Variants in ABCB11 observed in about 807,000 individuals in gnomAD.
ABCB11 encodes the protein ATP binding cassette subfamily B member 11, also known as bile salt export pump.
Under a neutral mutation model 148.0 loss-of-function variants are expected in ABCB11, and 95 were observed. The ratio of observed to expected loss-of-function variants is 0.64; its 90% CI spans 0.54 to 0.76. ABCB11 has a LOEUF of 0.76. Ranked by LOEUF, ABCB11 falls within the 30% of genes least tolerant of loss-of-function variation. The probability of loss-of-function intolerance (pLI) is 0.00; values close to 1 mark genes in which losing one functional copy is unlikely to be tolerated. For synonymous variants in ABCB11, 591 were observed against 555.4 expected (o/e 1.06, Z -0.90); for missense variants, 1,523 against 1,617.8 (o/e 0.94, Z 1.01).
chr2:168,938,614 A>C lies in ABCB11; in HGVS notation c.2611-2181T>G, dbSNP rs1034932608. ...AGAGATGAATAGTGGTGATGGTTAC[A>C]TAACAATGTAAATGTACTTAATGCC... On this transcript the variant is annotated intron_variant, in intron 21 of 27. Transcript: ENST00000650372. Among the ~76,000 whole-genome samples, 3 of 152,288 alleles carry C rather than the reference A, an allele frequency of 2.0e-5. No individual in the cohort carries two copies. In the South Asian group the frequency reaches 6.2e-4, roughly 32 times the overall value.
chr2:168,933,287 AT>A (rs778499477), intron 23 of ABCB11, among the ~76,000 whole-genome samples: 117 of 152,264 alleles, frequency 7.7e-4, no homozygotes, highest in Non-Finnish European at 1.2e-3. Flanking sequence ...TATAAGCATC[AT>A]TTTTGCACCA....
At chr2:169,026,246 C>G (rs780665720) in intron 1 of ABCB11, among the ~76,000 whole-genome samples, 18 of 152,164 alleles carry the variant, frequency 1.2e-4, no homozygotes, top group African/African-American at 1.9e-4. Context: ...TGTTTGTTTT[C>G]TTTGTTTGTT....
rs1232665709 is a variant in ABCB11 at position 168,924,872 on chromosome 2, T to C, written c.3619-69A>G. On this transcript the variant is annotated intron_variant, in intron 26 of 27. Coordinates refer to ENST00000650372, the MANE Select transcript of ABCB11 (RefSeq NM_003742.4). ...GCTCCTGTGCTGTACTGAACTCATG[T>C]CAAGGTCTCCTCTGTAATTTAAATT... 7 of 1,317,424 alleles carry C rather than the reference T, an allele frequency of 5.3e-6. No individual in the cohort carries two copies. The East Asian group carries it at 1.2e-4, about 22-fold the overall frequency. 81.6% of individuals were successfully genotyped at this position (1,317,424 alleles called of 1,614,324 possible).
chr2:168,979,078 TA>T (rs935513043), intron 11 of ABCB11, among the ~76,000 whole-genome samples: 10 of 152,138 alleles, frequency 6.6e-5, no homozygotes, highest in Non-Finnish European at 1.3e-4. Flanking sequence ...GACTAACCAG[TA>T]AAATCCCTTT....
Position 168,964,265 on chromosome 2 carries a change from C to T in ABCB11, c.2119G>A (p.Val707Met), listed in dbSNP as rs1266800544. The T allele has an allele frequency of 6.4e-7, 1 of 1,571,322 alleles. No individual in the cohort carries two copies. Among genetic ancestry groups the T allele is most frequent in the Non-Finnish European group, 8.6e-7 (1 of 1,156,454 alleles). Residue 707 changes from valine to methionine, a missense_variant, in exon 18 of 28, where the codon GTG becomes ATG. Coordinates refer to ENST00000650372, the MANE Select transcript of ABCB11 (RefSeq NM_003742.4). Reference sequence around the variant, plus strand: ...ACAACAGCTAATGGAGGTTCGTGCACCAGGTAAGAAAGCTGAGACTTGGAG... The same window carrying T: ...ACAACAGCTAATGGAGGTTCGTGCATCAGGTAAGAAAGCTGAGACTTGGAG... ...QRSKSQLSYL[V>M]HEPPLAVVDH...
Position 168,929,905 on chromosome 2 carries a change from G to A in ABCB11, c.3411+760C>T, listed in dbSNP as rs1019934139. On this transcript the variant is annotated intron_variant, in intron 25 of 27. Transcript: ENST00000650372. ...AATTTGTTAAATCATGAAATAGCATGAGCATATTATTTAAAGACATAAAAG... is the reference window on the plus strand; with the variant it reads ...AATTTGTTAAATCATGAAATAGCATAAGCATATTATTTAAAGACATAAAAG... 5.3e-5 allele frequency among the ~76,000 whole-genome samples: 8 copies of A among 152,126 alleles called. No individual in the cohort carries two copies. In the East Asian group the frequency reaches 5.8e-4, roughly 11 times the overall value.
intron 17 of ABCB11, among the ~76,000 whole-genome samples, chr2:168,965,450 C>G (rs945982734): frequency 1.3e-5 from 2 of 151,696 alleles, no homozygotes; most frequent in Admixed American, 1.3e-4. Flanking sequence ...AATAGTAGAG[C>G]TGAGAAAGGA....
At chr2:168,928,922 A>T (rs1002504604) in intron 25 of ABCB11, among the ~76,000 whole-genome samples, 1 of 152,076 alleles carries the variant, frequency 6.6e-6, no homozygotes, top group African/African-American at 2.4e-5. Flanking sequence ...TATTTTTATA[A>T]CTTCCTGGAT....
At chr2:168,937,747 T>C (rs938675163) in intron 21 of ABCB11, among the ~76,000 whole-genome samples, 2 of 152,236 alleles carry the variant, frequency 1.3e-5, no homozygotes, top group African/African-American at 2.4e-5. Flanking sequence ...GATACCACTT[T>C]GATTCTCATT....
At chr2:168,929,910 T>C (rs889364941) in intron 25 of ABCB11, among the ~76,000 whole-genome samples, 1 of 152,200 alleles carries the variant, frequency 6.6e-6, no homozygotes, top group African/African-American at 2.4e-5. Context: ...AGCATGAGCA[T>C]ATTATTTAAA....
intron 13 of ABCB11, among the ~76,000 whole-genome samples, chr2:168,973,113 GAC>G (rs1260644539): frequency 6.6e-6 from 1 of 151,892 alleles, no homozygotes; most frequent in Non-Finnish European, 1.5e-5. Flanking sequence ...AGAACTTAAG[GAC>G]ACAATAATAT....
At chr2:169,003,316 C>T (rs1461060392) in intron 5 of ABCB11, among the ~76,000 whole-genome samples, 1 of 139,384 alleles carries the variant, frequency 7.2e-6, no homozygotes, top group Non-Finnish European at 1.6e-5. Context: ...AGTAGTATTC[C>T]ATGGTGCGTG....
At chr2:169,027,235 G>GTTTATT (rs962024303) in intron 1 of ABCB11, among the ~76,000 whole-genome samples, 2 of 152,108 alleles carry the variant, frequency 1.3e-5, no homozygotes, top group African/African-American at 4.8e-5. Context: ...ATAAACTTAA[G>GTTTATT]GGAATCTAAG....
chr2:168,955,614 A>C (rs1174605185), intron 19 of ABCB11, among the ~76,000 whole-genome samples: 4 of 151,580 alleles, frequency 2.6e-5, no homozygotes, highest in African/African-American at 9.7e-5. Flanking sequence ...GTGGGGACAC[A>C]GAGCCAAACC....
rs766888895 is a variant in ABCB11 at position 169,014,320 on chromosome 2, C to G, written c.133G>C (p.Val45Leu). 2 of 1,613,362 alleles carry G rather than the reference C, an allele frequency of 1.2e-6. No individual in the cohort carries two copies. The highest frequency in any genetic ancestry group is 2.7e-5 in the African/African-American group (2 of 74,888). Residue 45 changes from valine to leucine, a missense_variant, in exon 4 of 28, where the codon GTT (valine) becomes CTT (leucine). Val to Leu is a conservative substitution (Grantham distance 32). Transcript: ENST00000650372. ...TTTATTACCAATTGAAAGAAGCCAACTCTAACGCCATCACCTTTCTTCTCA... is the reference window on the plus strand; with the variant it reads ...TTTATTACCAATTGAAAGAAGCCAAGTCTAACGCCATCACCTTTCTTCTCA... ...QDEKKGDGVR[V>L]GFFQLFRFSS...
chr2:168,979,991 A>G lies in ABCB11; in HGVS notation c.1084-12T>C, dbSNP rs773703324. The G allele has an allele frequency of 2.0e-6, 3 of 1,518,716 alleles. No individual in the cohort carries two copies. In the South Asian group the frequency reaches 3.4e-5, roughly 17 times the overall value. The allele number at this position is 1,518,716 out of a possible 1,614,324, so 94.1% of individuals were successfully genotyped here. ...ACACTGAGGAAAATCTGAAATGAAAAGAGAGAGATTTTTCATGTGTTTTTG... is the reference window on the plus strand; with the variant it reads ...ACACTGAGGAAAATCTGAAATGAAAGGAGAGAGATTTTTCATGTGTTTTTG... On this transcript the variant is annotated splice_polypyrimidine_tract_variant and intron_variant, in intron 10 of 27. Coordinates refer to ENST00000650372, the MANE Select transcript of ABCB11 (RefSeq NM_003742.4).
chr2:168,986,090 G>A lies in ABCB11; in HGVS notation c.1083+20C>T, dbSNP rs771644733. 6 of 1,526,400 alleles carry A rather than the reference G, an allele frequency of 3.9e-6. No individual in the cohort carries two copies. Among genetic ancestry groups the A allele is most frequent in the Middle Eastern group, 1.8e-4 (1 of 5,464 alleles). 94.6% of individuals were successfully genotyped at this position (1,526,400 alleles called of 1,614,324 possible). On this transcript the variant is annotated intron_variant, in intron 10 of 27. Transcript: ENST00000650372. Reference sequence around the variant, plus strand: ...ATACCAGAAGGAAATGCTATGTCTCGGTCAATAAGTCCAAGGTACCTGGAC... The same window carrying A: ...ATACCAGAAGGAAATGCTATGTCTCAGTCAATAAGTCCAAGGTACCTGGAC...
At chr2:169,004,972 A>G (rs1163454074) in intron 5 of ABCB11, among the ~76,000 whole-genome samples, 1 of 152,082 alleles carries the variant, frequency 6.6e-6, no homozygotes. Context: ...GGTACTGGCA[A>G]GAGTCTGCAA....
At chr2:168,987,811 AGGT>A (rs1694375569) in intron 9 of ABCB11, among the ~76,000 whole-genome samples, 1 of 152,212 alleles carries the variant, frequency 6.6e-6, no homozygotes, top group Non-Finnish European at 1.5e-5. Context: ...TTAATTAAAA[AGGT>A]GTTCAATAAA....
Sources: gnomAD v4.1 joint callset for allele counts (sites outside exome capture counted in the v4.1 genomes callset) on GRCh38, gnomAD v4.1.1 for gene constraint, MANE v1.5 for transcripts, NCBI Gene and HGNC (gene_info 2026-07-23, HGNC 2026-07-21) for gene names.